The following PRKG1 variants were observed in gnomAD, a reference collection of about 807,000 sequenced individuals.
PRKG1 encodes cGMP-dependent protein kinase 1.
A neutral mutation model predicts 88.1 loss-of-function variants in PRKG1; 35 were observed. That is an observed-to-expected ratio of 0.40 (90% CI 0.30 to 0.53). The LOEUF (loss-of-function observed/expected upper bound fraction) is 0.53, where lower values mean the gene tolerates loss of function less well. Among genes scored for constraint, PRKG1 ranks in the 20% least tolerant of loss-of-function variants. The probability of loss-of-function intolerance (pLI) is 0.59; values close to 1 mark genes in which losing one functional copy is unlikely to be tolerated. For synonymous variants in PRKG1, 303 were observed against 292.5 expected (o/e 1.04, Z -0.37); for missense variants, 540 against 839.8 (o/e 0.64, Z 4.41).
At chr10:51,651,107 A>C (rs1322244005) in intron 3 of PRKG1, among the ~76,000 whole-genome samples, 1 of 152,194 alleles carries the variant, frequency 6.6e-6, no homozygotes, top group Admixed American at 6.5e-5. Context: ...GGCCCTTGAA[A>C]CTAAGAATCA....
At chr10:51,991,103 T>C (rs1844294176) in intron 5 of PRKG1, among the ~76,000 whole-genome samples, 1 of 152,186 alleles carries the variant, frequency 6.6e-6, no homozygotes, top group African/African-American at 2.4e-5. Context: ...CCATTGTAAA[T>C]GGGATTGTTC....
At chr10:51,712,671 T>G (rs1369823654) in intron 3 of PRKG1, among the ~76,000 whole-genome samples, 1 of 139,064 alleles carries the variant, frequency 7.2e-6, no homozygotes, top group Non-Finnish European at 1.5e-5. Context: ...CTCACTGCAA[T>G]CTCTGCCTCC....
intron 12 of PRKG1, among the ~76,000 whole-genome samples, chr10:52,280,175 T>C (rs1028921086): frequency 6.6e-6 from 1 of 152,128 alleles, no homozygotes; most frequent in Admixed American, 6.6e-5. Context: ...TTCAGTAGTA[T>C]AGGAAATAGA....
chr10:51,698,087 G>C (rs1035286543), intron 3 of PRKG1: 6 of 1,613,946 alleles, frequency 3.7e-6, no homozygotes, highest in Admixed American at 3.3e-5. Context: ...TCCCTGAGGA[G>C]GGCCACCTGC....
At chr10:51,270,792 G>A (rs1036766812) in intron 2 of PRKG1, among the ~76,000 whole-genome samples, 20 of 152,090 alleles carry the variant, frequency 1.3e-4, no homozygotes, top group African/African-American at 4.8e-4. Context: ...CTCCCTAGTT[G>A]TCATGAAACT....
At chr10:51,843,008 G>C (rs905793931) in intron 4 of PRKG1, among the ~76,000 whole-genome samples, 1 of 150,100 alleles carries the variant, frequency 6.7e-6, no homozygotes, top group African/African-American at 2.4e-5. Flanking sequence ...TGGTCATTAT[G>C]AATATAGTAC....
intron 5 of PRKG1, among the ~76,000 whole-genome samples, chr10:51,928,644 C>A (rs751644380): frequency 2.0e-5 from 3 of 152,128 alleles, no homozygotes; most frequent in Non-Finnish European, 2.9e-5. Context: ...GGATATTTTC[C>A]AAAGCAGTTT....
chr10:51,920,157 G>A (rs1182825875), intron 5 of PRKG1, among the ~76,000 whole-genome samples: 1 of 152,110 alleles, frequency 6.6e-6, no homozygotes, highest in Non-Finnish European at 1.5e-5. Context: ...CAATCAAGGT[G>A]GAAAACAAAG....
At chr10:51,249,533 CA>C (rs1185893227) in intron 2 of PRKG1, among the ~76,000 whole-genome samples, 1 of 151,734 alleles carries the variant, frequency 6.6e-6, no homozygotes, top group East Asian at 1.9e-4. Flanking sequence ...TCTAATCAGA[CA>C]TATTTTAGGT....
At chr10:52,087,387 AG>A (rs2133315983) in intron 7 of PRKG1, among the ~76,000 whole-genome samples, 1 of 152,196 alleles carries the variant, frequency 6.6e-6, no homozygotes, top group South Asian at 2.1e-4. Context: ...TACATTTTTA[AG>A]GTTTCTTATC....
At chr10:52,122,547 C>G (rs1379602322) in intron 7 of PRKG1, among the ~76,000 whole-genome samples, 2 of 152,068 alleles carry the variant, frequency 1.3e-5, no homozygotes, top group Non-Finnish European at 2.9e-5. Context: ...AAATATGGCT[C>G]AGAGAAGAAG....
intron 3 of PRKG1, among the ~76,000 whole-genome samples, chr10:51,691,374 C>T (rs1002286977): frequency 1.3e-5 from 2 of 149,352 alleles, no homozygotes; most frequent in African/African-American, 5.0e-5. Context: ...GTGGCGAGAT[C>T]CCGGCTCACT....
At position 52,293,969 on chromosome 10, in the gene PRKG1, T is replaced by C; in HGVS notation, c.*69T>C. ...TCTGAGACACAGCTGCCAGCAAACCTGAGGGAAAGAGAGAAGATTAGTGCT... is the reference window on the plus strand; with the variant it reads ...TCTGAGACACAGCTGCCAGCAAACCCGAGGGAAAGAGAGAAGATTAGTGCT... On this transcript the variant is annotated 3_prime_UTR_variant, in exon 18 of 18. Coordinates refer to ENST00000373980, the MANE Select transcript of PRKG1 (RefSeq NM_006258.4). 1 of 1,334,072 alleles carries C rather than the reference T, an allele frequency of 7.5e-7. No individual in the cohort carries two copies. Among genetic ancestry groups the C allele is most frequent in the Admixed American group, 1.8e-5 (1 of 55,658 alleles). 82.6% of individuals were successfully genotyped at this position (1,334,072 alleles called of 1,614,324 possible).
At chr10:51,495,454 A>G (rs1840826070) in intron 3 of PRKG1, among the ~76,000 whole-genome samples, 1 of 152,202 alleles carries the variant, frequency 6.6e-6, no homozygotes, top group Non-Finnish European at 1.5e-5. Context: ...TTTTTCCTAT[A>G]GCCTCATTTC....
At chr10:51,779,184 C>T (rs570253205) in intron 3 of PRKG1, among the ~76,000 whole-genome samples, 1 of 152,276 alleles carries the variant, frequency 6.6e-6, no homozygotes, top group Non-Finnish European at 1.5e-5. Flanking sequence ...GTACAATGTA[C>T]TCTTGATCCT....
At chr10:51,003,231 G>C (rs879630541) in intron 1 of PRKG1, among the ~76,000 whole-genome samples, 90 of 152,090 alleles carry the variant, frequency 5.9e-4, no homozygotes, top group Non-Finnish European at 1.1e-3. Context: ...GCCTGCATTG[G>C]ACATAGTGAA....
intron 7 of PRKG1, among the ~76,000 whole-genome samples, chr10:52,119,871 A>T (rs571659382): frequency 5.9e-5 from 9 of 152,242 alleles, no homozygotes; most frequent in African/African-American, 1.9e-4. Flanking sequence ...AGAAGGCAGA[A>T]GGTGGAAAGG....
Position 52,012,512 on chromosome 10 carries a change from G to A in PRKG1, c.763-41972G>A, listed in dbSNP as rs146143230. On this transcript the variant is annotated intron_variant, in intron 5 of 17. Coordinates refer to ENST00000373980, the MANE Select transcript of PRKG1 (RefSeq NM_006258.4). The stretch of plus-strand genomic sequence containing the variant: ...CCGCCTCAGCCTCCCAAAGTGCTGG[G>A]ATTACAGGCGTGAGCCACCGCGCCC... Among the ~76,000 whole-genome samples the A allele has an allele frequency of 2.5e-3, 380 of 152,222 alleles. 2 individuals carry two copies. The highest frequency in any genetic ancestry group is 8.5e-3 in the African/African-American group (354 of 41,554).
intron 2 of PRKG1, among the ~76,000 whole-genome samples, chr10:51,229,938 A>G (rs1212526866): frequency 6.9e-6 from 1 of 144,532 alleles, no homozygotes; most frequent in Non-Finnish European, 1.5e-5. Flanking sequence ...AAAAAAAAAA[A>G]AAAAAAAAAA....
Sources: allele counts gnomAD v4.1 joint callset (sites outside exome capture counted in the v4.1 genomes callset), GRCh38; gene constraint gnomAD v4.1.1; transcripts MANE v1.5; gene names NCBI Gene and HGNC (gene_info 2026-07-23, HGNC 2026-07-21).